CEP162: variants seen among roughly 807,000 people sequenced by gnomAD.
CEP162 encodes the protein centrosomal protein 162, also known as centrosomal protein of 162 kDa.
A neutral mutation model predicts 169.2 loss-of-function variants in CEP162; 141 were observed. That is an observed-to-expected ratio of 0.83 (90% CI 0.73 to 0.96). The LOEUF (loss-of-function observed/expected upper bound fraction) is 0.96. Among genes scored for constraint, CEP162 ranks in the 40% least tolerant of loss-of-function variants. The pLI, the probability that CEP162 is intolerant of heterozygous loss-of-function variation, is 0.00. For missense variants in CEP162, 1,600 were observed against 1,587.2 expected, an observed-to-expected ratio of 1.01 and a Z score of -0.14; for synonymous variants, 540 against 526.4, an observed-to-expected ratio of 1.03 and a Z score of -0.35.
intron 13 of CEP162, among the ~76,000 whole-genome samples, chr6:84,180,914 T>C (rs1280140678): frequency 6.6e-6 from 1 of 152,166 alleles, no homozygotes; most frequent in East Asian, 1.9e-4. Flanking sequence ...AAAATGGCCA[T>C]ACTGCCCAAG....
rs558322362 is a variant in CEP162, at chr6:84,150,258, G to A, written c.3630-555C>T. Among the ~76,000 whole-genome samples, 96 of 152,206 alleles carry A rather than the reference G, an allele frequency of 6.3e-4. 1 individual carries two copies. The highest frequency in any genetic ancestry group is 2.2e-3 in the African/African-American group (92 of 41,552). On this transcript the variant is annotated intron_variant, in intron 23 of 26. Coordinates refer to ENST00000403245, the MANE Select transcript of CEP162 (RefSeq NM_014895.4). ...TGTAAGTGTGAAAGACTATTCATTT[G>A]TCTCTGTGATAAAATTTATTCAGAG...
chr6:84,184,108 A>G (rs1260666552), intron 13 of CEP162, among the ~76,000 whole-genome samples: 8 of 152,098 alleles, frequency 5.3e-5, no homozygotes, highest in African/African-American at 1.9e-4. Flanking sequence ...TACTGTGCAC[A>G]TGATCCCTTC....
intron 11 of CEP162, among the ~76,000 whole-genome samples, chr6:84,190,160 T>G (rs541276284): frequency 1.3e-5 from 2 of 152,338 alleles, no homozygotes; most frequent in South Asian, 4.1e-4. Context: ...TCAAGGTTTG[T>G]GACTGCACCA....
Position 84,174,204 on chromosome 6 carries a change from G to A in CEP162, c.2026-16C>T. On this transcript the variant is annotated splice_polypyrimidine_tract_variant and intron_variant, in intron 15 of 26. Transcript: ENST00000403245. ...AGCTGCTTAACTTGGAGAAATTGCA[G>A]AAATTGTTTTATTTGGGGAAGGAAA... 1 of 1,589,894 alleles carries A rather than the reference G, an allele frequency of 6.3e-7. No homozygotes were observed. The highest frequency in any genetic ancestry group is 8.6e-7 in the Non-Finnish European group (1 of 1,168,264).
intron 25 of CEP162, among the ~76,000 whole-genome samples, chr6:84,140,280 G>A (rs148583530): frequency 1.3e-5 from 2 of 151,974 alleles, no homozygotes; most frequent in African/African-American, 2.4e-5. Context: ...GTTGATACTG[G>A]GAGAGTCCTA....
chr6:84,221,088 C>T lies in CEP162; in HGVS notation c.141G>A (p.Trp47Ter), dbSNP rs1390059212. The T allele has an allele frequency of 1.3e-6, 2 of 1,597,696 alleles. No individual in the cohort carries two copies. The highest frequency in any genetic ancestry group is 1.7e-4 in the Middle Eastern group (1 of 6,030). ...KEMKKKDTVP[W>*]WITEDDFKDD... ...CTTTAAAATCATCTTCAGTTATCCA[C>T]CAAGGCACTGTATCTTTCTTCTTCA... is the stretch of plus-strand genomic sequence containing the variant. The change falls in exon 3 of 27, where the codon TGG (tryptophan) becomes TGA (stop). Residue 47 changes from tryptophan (W) to a stop codon, truncating the protein, a stop_gained. Coordinates refer to ENST00000403245, the MANE Select transcript of CEP162 (RefSeq NM_014895.4). LOFTEE classifies it high-confidence loss of function.
At chr6:84,216,890 A>ACT (rs2099551773) in intron 3 of CEP162, among the ~76,000 whole-genome samples, 1 of 152,174 alleles carries the variant, frequency 6.6e-6, no homozygotes, top group Admixed American at 6.5e-5. Context: ...GTACTTATGT[A>ACT]TATGTTTGAA....
chr6:84,125,283 A>G lies in CEP162; in HGVS notation c.4006-7T>C, dbSNP rs1271905979. 2 of 1,611,788 alleles carry G rather than the reference A, an allele frequency of 1.2e-6. No homozygotes were observed. The highest frequency in any genetic ancestry group is 1.7e-5 in the Admixed American group (1 of 59,828). The stretch of plus-strand genomic sequence containing the variant: ...GGTGTGTTTGCTGTATTATCTGCAA[A>G]TACAAAAATTCCACATTGCTGTTAT... On this transcript the variant is annotated splice_region_variant and splice_polypyrimidine_tract_variant and intron_variant, in intron 26 of 26. Transcript: ENST00000403245.
At chr6:84,144,221 T>C (rs2099517878) in intron 25 of CEP162, among the ~76,000 whole-genome samples, 1 of 152,034 alleles carries the variant, frequency 6.6e-6, no homozygotes, top group Non-Finnish European at 1.5e-5. Flanking sequence ...ACGTGATAAA[T>C]TGTACAGGAA....
chr6:84,159,146 G>A (rs1022771546), intron 21 of CEP162, among the ~76,000 whole-genome samples: 2 of 151,312 alleles, frequency 1.3e-5, no homozygotes, highest in Non-Finnish European at 1.5e-5. Flanking sequence ...TATGTATTAA[G>A]TTTTAAAATA....
Position 84,192,088 on chromosome 6 carries a change from A to G in CEP162, c.1109+1521T>C, listed in dbSNP as rs544397743. ...AATGACTGTGTGGAGCAGAGCCCCA[A>G]TCCAACCCCACTGACCCACAAGGGA... On this transcript the variant is annotated intron_variant, in intron 11 of 26. Coordinates refer to ENST00000403245, the MANE Select transcript of CEP162 (RefSeq NM_014895.4). 2.6e-5 allele frequency among the ~76,000 whole-genome samples: 4 copies of G among 152,306 alleles called. No homozygotes were observed. In the South Asian group the frequency reaches 6.2e-4, roughly 24 times the overall value.
At chr6:84,169,687 T>G (rs993164567) in intron 17 of CEP162, among the ~76,000 whole-genome samples, 1 of 152,130 alleles carries the variant, frequency 6.6e-6, no homozygotes, top group African/African-American at 2.4e-5. Context: ...AATATAAAAA[T>G]ATTAATTCCC....
intron 25 of CEP162, among the ~76,000 whole-genome samples, chr6:84,145,268 G>A (rs1204895791): frequency 1.3e-5 from 2 of 152,062 alleles, no homozygotes; most frequent in Non-Finnish European, 2.9e-5. Context: ...AAAATCTGAT[G>A]GCAAGCCTTT....
chr6:84,218,733 C>T (rs1328062585), intron 3 of CEP162, among the ~76,000 whole-genome samples: 1 of 152,108 alleles, frequency 6.6e-6, no homozygotes, highest in Non-Finnish European at 1.5e-5. Flanking sequence ...TATTTTATGC[C>T]TTTCTGTGAA....
intron 16 of CEP162, 79 bp from the exon 17 acceptor site, chr6:84,171,797 T>G (rs1483095060): frequency 2.1e-6 from 1 of 485,098 alleles, no homozygotes; most frequent in Non-Finnish European, 3.4e-6. Context: ...TCATAATAGA[T>G]TAATCCTTTA....
intron 10 of CEP162, among the ~76,000 whole-genome samples, chr6:84,193,922 T>C (rs1338026524): frequency 6.6e-6 from 1 of 152,174 alleles, no homozygotes; most frequent in Non-Finnish European, 1.5e-5. Flanking sequence ...AAAATATCTA[T>C]ACATACACAC....
At chr6:84,173,350 C>CA (rs1241307579) in intron 16 of CEP162, among the ~76,000 whole-genome samples, 3 of 152,046 alleles carry the variant, frequency 2.0e-5, no homozygotes, top group Non-Finnish European at 2.9e-5. Flanking sequence ...AATGTAAAGT[C>CA]AAAAAATAGT....
At position 84,163,246 on chromosome 6, in the gene CEP162, C is replaced by T. The variant is rs2099526472; in HGVS notation, c.2410G>A (p.Asp804Asn). The change falls in exon 19 of 27, where the codon GAC becomes AAC. Residue 804 changes from aspartate to asparagine, a missense_variant. Transcript: ENST00000403245. ...TTGTCTTGTTTCAGTCTTTTGATGT[C>T]TTCCAATAAACTGTCTTTTTCTTTC... ...AQKEKDSLLE[D>N]IKRLKQDKQA... 2 of 1,608,898 alleles carry T rather than the reference C, an allele frequency of 1.2e-6. No individual in the cohort carries two copies. Among genetic ancestry groups the T allele is most frequent in the Non-Finnish European group, 1.7e-6 (2 of 1,176,322 alleles).
rs184725997 is a variant in CEP162, at chr6:84,206,551, C to T, written c.572-2455G>A. ...GCTGAAACTGGATCCTTTCCTTACA[C>T]CTTACACAAAAATTAATTCAAGATG... On this transcript the variant is annotated intron_variant, in intron 6 of 26. Coordinates refer to ENST00000403245, the MANE Select transcript of CEP162 (RefSeq NM_014895.4). Among the ~76,000 whole-genome samples the T allele has an allele frequency of 7.2e-5, 11 of 152,322 alleles. 1 individual carries two copies. The highest frequency in any genetic ancestry group is 4.1e-4 in the South Asian group (2 of 4,830).
Sources: allele counts gnomAD v4.1 joint callset (sites outside exome capture counted in the v4.1 genomes callset), GRCh38; gene constraint gnomAD v4.1.1; transcripts MANE v1.5; gene names NCBI Gene and HGNC (gene_info 2026-07-23, HGNC 2026-07-21).